The following ANKRD6 variants were observed in gnomAD, a reference collection of about 807,000 sequenced individuals.
ANKRD6 encodes the protein ankyrin repeat domain-containing protein 6.
In ANKRD6, 56 loss-of-function variants were observed where a neutral mutation model predicts 82.3. The ratio of observed to expected loss-of-function variants is 0.68; its 90% CI spans 0.55 to 0.85. The LOEUF is 0.85. Ranked by LOEUF, ANKRD6 falls within the 40% of genes least tolerant of loss-of-function variation. The pLI is 0.00. For synonymous variants in ANKRD6, 347 were observed against 352.1 expected, an observed-to-expected ratio of 0.99 and a Z score of 0.16; for missense variants, 852 against 907.6, an observed-to-expected ratio of 0.94 and a Z score of 0.79.
At chr6:89,434,324 T>A (rs138355955) in intron 1 of ANKRD6, among the ~76,000 whole-genome samples, 1 of 152,236 alleles carries the variant, frequency 6.6e-6, no homozygotes, top group Non-Finnish European at 1.5e-5. Context: ...TGCGAACCTG[T>A]TGGATGTTGA....
chr6:89,613,923 C>T, intron 7 of ANKRD6, 33 bp downstream of exon 7: 1 of 1,604,726 alleles, frequency 6.2e-7, no homozygotes. Flanking sequence ...TGGCTGCCAG[C>T]ACCCTTCCCA....
intron 1 of ANKRD6, among the ~76,000 whole-genome samples, chr6:89,526,675 G>A (rs149943361): frequency 3.1e-4 from 47 of 152,258 alleles, no homozygotes; most frequent in African/African-American, 9.9e-4. Flanking sequence ...TTATTTTAAG[G>A]TAGTGGCTCA....
chr6:89,444,805 T>C (rs1231731466), intron 1 of ANKRD6, among the ~76,000 whole-genome samples: 1 of 152,004 alleles, frequency 6.6e-6, no homozygotes, highest in Non-Finnish European at 1.5e-5. Flanking sequence ...CCATCTCTAC[T>C]AAAAATAAAA....
intron 2 of ANKRD6, among the ~76,000 whole-genome samples, chr6:89,578,399 G>A (rs538548531): frequency 9.6e-5 from 14 of 145,598 alleles, no homozygotes; most frequent in Admixed American, 2.1e-4. Flanking sequence ...GGGTTGAAGC[G>A]ATTCTCCTGC....
chr6:89,477,474 T>C (rs910840249), intron 1 of ANKRD6, among the ~76,000 whole-genome samples: 4 of 151,870 alleles, frequency 2.6e-5, no homozygotes, highest in Non-Finnish European at 5.9e-5. Flanking sequence ...AAAATCCAAA[T>C]TAAGAATTCT....
intron 1 of ANKRD6, chr6:89,562,397 C>T (rs2128053302): frequency 6.6e-6 from 1 of 152,372 alleles, no homozygotes; most frequent in Middle Eastern, 3.4e-3. Flanking sequence ...TTCCTGTTTT[C>T]TTGGAGGCAG....
chr6:89,535,871 C>G (rs1344203950), intron 1 of ANKRD6, among the ~76,000 whole-genome samples: 1 of 152,232 alleles, frequency 6.6e-6, no homozygotes, highest in East Asian at 1.9e-4. Context: ...CTCTTGTTCA[C>G]TTTCCTCATC....
intron 1 of ANKRD6, among the ~76,000 whole-genome samples, chr6:89,530,884 A>G (rs1430096054): frequency 6.6e-6 from 1 of 152,204 alleles, no homozygotes; most frequent in Non-Finnish European, 1.5e-5. Context: ...ATGGCCGACC[A>G]CTTGAAAGTC....
At chr6:89,583,949 G>C (rs13208079) in intron 2 of ANKRD6, among the ~76,000 whole-genome samples, 3 of 152,188 alleles carry the variant, frequency 2.0e-5, no homozygotes, top group Non-Finnish European at 2.9e-5. Flanking sequence ...TCCACCATCT[G>C]CCACCACCGT....
At chr6:89,581,030 C>T (rs1050685639) in intron 2 of ANKRD6, among the ~76,000 whole-genome samples, 1 of 152,152 alleles carries the variant, frequency 6.6e-6, no homozygotes, top group African/African-American at 2.4e-5. Context: ...CCATGCTGCC[C>T]CCACCACTCA....
intron 1 of ANKRD6, among the ~76,000 whole-genome samples, chr6:89,504,162 A>G (rs567074412): frequency 1.8e-4 from 27 of 149,504 alleles, no homozygotes; most frequent in Admixed American, 7.3e-4. Flanking sequence ...GAAGAACGGA[A>G]ACAGAAAGAC....
chr6:89,510,796 T>C (rs566474681), intron 1 of ANKRD6, among the ~76,000 whole-genome samples: 2 of 152,350 alleles, frequency 1.3e-5, no homozygotes, highest in African/African-American at 4.8e-5. Context: ...ATGTAAGTTC[T>C]GTGAAGGATC....
intron 1 of ANKRD6, among the ~76,000 whole-genome samples, chr6:89,563,498 A>G (rs185620431): frequency 1.3e-5 from 2 of 152,354 alleles, no homozygotes; most frequent in East Asian, 3.9e-4. Flanking sequence ...TTGGGGCAGA[A>G]TACATTTCTC....
At chr6:89,626,304 G>A (rs1268921211) in intron 13 of ANKRD6, among the ~76,000 whole-genome samples, 1 of 152,192 alleles carries the variant, frequency 6.6e-6, no homozygotes, top group Non-Finnish European at 1.5e-5. Context: ...CAGTTCAAGG[G>A]AGTGACAGAT....
At chr6:89,550,044 T>C (rs1450161035) in intron 1 of ANKRD6, among the ~76,000 whole-genome samples, 2 of 151,990 alleles carry the variant, frequency 1.3e-5, no homozygotes, top group African/African-American at 4.8e-5. Flanking sequence ...TGTAATAAGT[T>C]CTGATTGTGT....
At chr6:89,505,608 A>G (rs1196548882) in intron 1 of ANKRD6, among the ~76,000 whole-genome samples, 2 of 152,230 alleles carry the variant, frequency 1.3e-5, no homozygotes, top group Non-Finnish European at 2.9e-5. Context: ...CCTGGCACTC[A>G]AGAGAGTGGC....
intron 13 of ANKRD6, among the ~76,000 whole-genome samples, chr6:89,625,959 T>G (rs968476095): frequency 2.0e-5 from 3 of 152,146 alleles, no homozygotes; most frequent in Non-Finnish European, 4.4e-5. Flanking sequence ...GGTGTCAAAC[T>G]CCTGGGCTCA....
At chr6:89,569,712 A>G (rs1266507700) in intron 2 of ANKRD6, among the ~76,000 whole-genome samples, 25 of 152,244 alleles carry the variant, frequency 1.6e-4, no homozygotes, top group Admixed American at 1.1e-3. Flanking sequence ...TCTACCAGCA[A>G]TGTATGAAGG....
At chr6:89,618,099 G>C in intron 9 of ANKRD6, 68 bp downstream of exon 9, 2 of 1,531,002 alleles carry the variant, frequency 1.3e-6, no homozygotes, top group African/African-American at 2.7e-5. Flanking sequence ...ACTCCTGGTT[G>C]CAATCTACTG....
Sources: gnomAD v4.1 joint callset for allele counts (sites outside exome capture counted in the v4.1 genomes callset) on GRCh38, gnomAD v4.1.1 for gene constraint, MANE v1.5 for transcripts, NCBI Gene and HGNC (gene_info 2026-07-23, HGNC 2026-07-21) for gene names.